Variants in AFF2 observed in about 807,000 individuals in gnomAD.
The protein encoded by AFF2 is ALF transcription elongation factor 2.
AFF2 carries 14 observed loss-of-function variants against 76.9 expected under a neutral mutation model. The ratio of observed to expected loss-of-function variants is 0.18; its 90% CI spans 0.12 to 0.28. The LOEUF (loss-of-function observed/expected upper bound fraction) is 0.28, where lower values mean the gene tolerates loss of function less well. Among genes scored for constraint, AFF2 ranks in the 10% least tolerant of loss-of-function variants. AFF2 has a pLI of 1.00. For missense variants in AFF2, 868 were observed against 1,001.1 expected, an observed-to-expected ratio of 0.87 and a Z score of 1.79; for synonymous variants, 398 against 366.7, an observed-to-expected ratio of 1.09 and a Z score of -0.98.
At chrX:148,790,017 A>G (rs934314324) in intron 3 of AFF2, among the ~76,000 whole-genome samples, 1 of 111,482 alleles carries the variant, frequency 9.0e-6, no homozygotes, top group Non-Finnish European at 1.9e-5. Flanking sequence ...AAAATGGCCC[A>G]TTATGAGATT....
intron 20 of AFF2, among the ~76,000 whole-genome samples, chrX:148,989,548 ATCT>A (rs1557292038): frequency 8.9e-6 from 1 of 112,146 alleles, no homozygotes; most frequent in East Asian, 2.8e-4. Context: ...CTAGTGTGAA[ATCT>A]TCTGCTCAAA....
intron 15 of AFF2, among the ~76,000 whole-genome samples, chrX:148,973,084 T>C (rs1334032214): frequency 9.8e-6 from 1 of 101,894 alleles, no homozygotes; most frequent in Non-Finnish European, 2.0e-5. Context: ...CAGATAGTTG[T>C]AGATATGCGG....
At chrX:148,557,644 T>C (rs1031260082) in intron 1 of AFF2, among the ~76,000 whole-genome samples, 4 of 112,259 alleles carry the variant, frequency 3.6e-5, no homozygotes, top group Non-Finnish European at 7.5e-5. Context: ...CTCTCAACAC[T>C]CTTGCATTAG....
intron 1 of AFF2, among the ~76,000 whole-genome samples, chrX:148,637,978 C>T (rs1416764903): frequency 9.1e-6 from 1 of 109,871 alleles, no homozygotes; most frequent in Admixed American, 9.7e-5. Flanking sequence ...GAACTTGCCC[C>T]AGGTCACACA....
chrX:148,801,358 GT>G (rs1557270900), intron 3 of AFF2, among the ~76,000 whole-genome samples: 1 of 111,605 alleles, frequency 9.0e-6, no homozygotes, highest in African/African-American at 3.3e-5. Context: ...CCATGTTTCT[GT>G]TTTCGAAGAC....
rs782124829 is a variant in AFF2, at chrX:148,962,150, G to C, written c.2691-565G>C. On this transcript the variant is annotated intron_variant, in intron 12 of 20. Coordinates refer to ENST00000370460, the MANE Select transcript of AFF2 (RefSeq NM_002025.4). ...AGGTCAGAGGCTCATTATGCTTGGC[G>C]TTGGAGTAGAACATTCTGTATATAC... Among the ~76,000 whole-genome samples the C allele has an allele frequency of 4.4e-5, 5 of 112,885 alleles. No homozygotes were observed. The East Asian group carries it at 1.4e-3, about 31-fold the overall frequency.
intron 3 of AFF2, among the ~76,000 whole-genome samples, chrX:148,784,757 C>T (rs782224212): frequency 8.9e-6 from 1 of 111,805 alleles, no homozygotes; most frequent in South Asian, 3.8e-4. Flanking sequence ...ACTAATTATT[C>T]AAATAGTGGG....
intron 9 of AFF2, among the ~76,000 whole-genome samples, chrX:148,942,450 C>T (rs2071847898): frequency 9.0e-6 from 1 of 111,358 alleles, no homozygotes; most frequent in Non-Finnish European, 1.9e-5. Context: ...AACATATTGT[C>T]ACAGAGGGTG....
chrX:148,581,414 ATACG>A (rs1252459815), intron 1 of AFF2, among the ~76,000 whole-genome samples: 3 of 61,572 alleles, frequency 4.9e-5, no homozygotes, highest in African/African-American at 1.5e-4. Flanking sequence ...GTACACACAT[ATACG>A]TATACGTCTA....
At chrX:148,959,883 C>T (rs1215094312) in intron 12 of AFF2, among the ~76,000 whole-genome samples, 1 of 112,774 alleles carries the variant, frequency 8.9e-6, no homozygotes, top group East Asian at 2.8e-4. Context: ...ATTGTTCCCT[C>T]AGTTTCCAGG....
At chrX:148,990,994 C>T (rs1279991474) in intron 20 of AFF2, among the ~76,000 whole-genome samples, 1 of 111,893 alleles carries the variant, frequency 8.9e-6, no homozygotes, top group African/African-American at 3.2e-5. Context: ...GTTTTTGGAG[C>T]TCACTAAAGA....
chrX:148,741,617 T>G (rs782423839), intron 3 of AFF2, among the ~76,000 whole-genome samples: 36 of 111,156 alleles, frequency 3.2e-4, no homozygotes, highest in Non-Finnish European at 6.2e-4. Context: ...CTGTGAAGTC[T>G]GCTTGCAGGA....
At chrX:148,699,794 A>G (rs1185934873) in intron 3 of AFF2, among the ~76,000 whole-genome samples, 6 of 112,047 alleles carry the variant, frequency 5.4e-5, no homozygotes, top group Non-Finnish European at 7.5e-5. Context: ...ATAGCAGCAT[A>G]CTCAATAAGA....
At chrX:148,633,119 C>G (rs942614113) in intron 1 of AFF2, among the ~76,000 whole-genome samples, 12 of 111,693 alleles carry the variant, frequency 1.1e-4, no homozygotes, top group African/African-American at 3.9e-4. Context: ...TTTCAAAAGT[C>G]AGAGTTCCAG....
chrX:148,563,955 C>G (rs1377084006), intron 1 of AFF2, among the ~76,000 whole-genome samples: 3 of 111,799 alleles, frequency 2.7e-5, no homozygotes, highest in African/African-American at 9.8e-5. Flanking sequence ...CTGACCCTCT[C>G]CAGAACTTGA....
At chrX:148,848,585 G>A (rs1026977950) in intron 7 of AFF2, among the ~76,000 whole-genome samples, 19 of 112,272 alleles carry the variant, frequency 1.7e-4, no homozygotes, top group African/African-American at 5.5e-4. Flanking sequence ...TCTGCTACTT[G>A]GATGCAATTT....
In AFF2 at chrX:148,814,363, TAGAA is replaced by T. The variant is rs202174059; in HGVS notation, c.1086+4448_1086+4451del. On this transcript the variant is annotated intron_variant, in intron 4 of 20. Transcript: ENST00000370460. ...TACAGTAGTATGATTTATTTGTTCA[TAGAA>T]AGAATTTACTTTAAAAAATCAAGAA... Among the ~76,000 whole-genome samples, 36 of 112,292 alleles carry T rather than the reference TAGAA, an allele frequency of 3.2e-4. No individual in the cohort carries two copies. The East Asian group carries it at 9.3e-3, about 29-fold the overall frequency.
At chrX:148,792,256 A>C (rs1417057383) in intron 3 of AFF2, among the ~76,000 whole-genome samples, 3 of 111,993 alleles carry the variant, frequency 2.7e-5, no homozygotes, top group Non-Finnish European at 5.6e-5. Context: ...GGTACACCTA[A>C]ATGCTCAAAA....
At chrX:148,617,676 G>A (rs902223141) in intron 1 of AFF2, among the ~76,000 whole-genome samples, 5 of 112,390 alleles carry the variant, frequency 4.4e-5, no homozygotes, top group East Asian at 2.8e-4. Flanking sequence ...TGAGTGTTGC[G>A]TGTTGATGCA....
Sources: gnomAD v4.1 joint callset for allele counts (sites outside exome capture counted in the v4.1 genomes callset) on GRCh38, gnomAD v4.1.1 for gene constraint, MANE v1.5 for transcripts, NCBI Gene and HGNC (gene_info 2026-07-23, HGNC 2026-07-21) for gene names.